Variants in MGAT4C observed in about 807,000 individuals in gnomAD.
MGAT4C encodes the protein MGAT4 family member C, also known as alpha-1,3-mannosyl-glycoprotein 4-beta-N-acetylglucosaminyltransferase C.
A neutral mutation model predicts 40.1 loss-of-function variants in MGAT4C; 19 were observed. That is an observed-to-expected ratio of 0.47 (90% CI 0.33 to 0.70). MGAT4C has a LOEUF of 0.70. MGAT4C is among the 30% of genes least tolerant of loss of function. MGAT4C has a pLI of 0.02. For synonymous variants in MGAT4C, 181 were observed against 187.1 expected, an observed-to-expected ratio of 0.97 and a Z score of 0.27; for missense variants, 491 against 563.2, an observed-to-expected ratio of 0.87 and a Z score of 1.30.
At chr12:86,029,410 T>C (rs1241692602) in intron 2 of MGAT4C, among the ~76,000 whole-genome samples, 2 of 151,890 alleles carry the variant, frequency 1.3e-5, no homozygotes, top group Admixed American at 1.3e-4. Context: ...TTTAAATACA[T>C]ACAAACTTAT....
intron 4 of MGAT4C, among the ~76,000 whole-genome samples, chr12:86,284,923 T>G (rs1307138697): frequency 1.3e-5 from 2 of 152,028 alleles, no homozygotes; most frequent in Non-Finnish European, 2.9e-5. Flanking sequence ...TTCATCCTTA[T>G]GTAATAGTAT....
chr12:86,827,723 A>C (rs1050900175), intron 1 of MGAT4C, among the ~76,000 whole-genome samples: 5 of 151,464 alleles, frequency 3.3e-5, no homozygotes, highest in Non-Finnish European at 3.0e-5. Context: ...CAGACAAAAA[A>C]TGTGGCAGAA....
rs564503387 is a variant in MGAT4C at position 86,152,621 on chromosome 12, G to A, written c.-56-102898C>T. On this transcript the variant is annotated intron_variant, in intron 1 of 4. Transcript: ENST00000611864. ...TCACATGGATTTCTCTTTTCCCATC[G>A]TATATCACACAGGGCTACTCTATTC... Among the ~76,000 whole-genome samples the A allele has an allele frequency of 5.5e-4, 83 of 152,160 alleles. 2 individuals are homozygous for A. The highest frequency in any genetic ancestry group is 1.9e-3 in the African/African-American group (78 of 41,494).
At chr12:86,806,586 A>G (rs1593225157) in intron 1 of MGAT4C, among the ~76,000 whole-genome samples, 1 of 151,920 alleles carries the variant, frequency 6.6e-6, no homozygotes, top group Non-Finnish European at 1.5e-5. Context: ...CCTTTCTATT[A>G]CCACGCCCAT....
At chr12:86,014,802 G>T (rs1420241962) in intron 2 of MGAT4C, among the ~76,000 whole-genome samples, 4 of 152,004 alleles carry the variant, frequency 2.6e-5, no homozygotes, top group Non-Finnish European at 5.9e-5. Context: ...AGTACTTGGG[G>T]ACGTGGAGGG....
intron 1 of MGAT4C, among the ~76,000 whole-genome samples, chr12:86,116,961 AG>A (rs1392482046): frequency 6.6e-6 from 1 of 152,142 alleles, no homozygotes; most frequent in Non-Finnish European, 1.5e-5. Flanking sequence ...ATTTTCTATC[AG>A]TGTGAGGAGA....
At chr12:86,169,198 G>C (rs1444415279) in intron 1 of MGAT4C, among the ~76,000 whole-genome samples, 1 of 152,098 alleles carries the variant, frequency 6.6e-6, no homozygotes, top group African/African-American at 2.4e-5. Context: ...TTGACACCAT[G>C]AAAGAATGAG....
chr12:86,807,639 C>A (rs747310663), intron 1 of MGAT4C, among the ~76,000 whole-genome samples: 2 of 152,072 alleles, frequency 1.3e-5, no homozygotes, highest in Non-Finnish European at 2.9e-5. Flanking sequence ...GCATATATAA[C>A]CACTAATGGG....
intron 1 of MGAT4C, among the ~76,000 whole-genome samples, chr12:86,180,718 G>T (rs762739561): frequency 3.3e-5 from 5 of 152,142 alleles, no homozygotes; most frequent in Non-Finnish European, 7.3e-5. Context: ...TATTTGGAAT[G>T]GCTATATGTA....
intron 2 of MGAT4C, among the ~76,000 whole-genome samples, chr12:86,441,469 G>C (rs1957226705): frequency 6.6e-6 from 1 of 150,836 alleles, no homozygotes. Flanking sequence ...TTAACATTGA[G>C]TACACCTCCT....
rs569644851 is a variant in MGAT4C, at chr12:86,830,739, A to T, written c.-262+7927T>A. ...ATGAAACAAACAAACAAACAAACAA[A>T]CAAACAAACAAACAAACTTGTCACA... On this transcript the variant is annotated intron_variant, in intron 1 of 7. Coordinates refer to the MGAT4C transcript ENST00000548651. Among the ~76,000 whole-genome samples, 27 of 151,566 alleles carry T rather than the reference A, an allele frequency of 1.8e-4. No individual in the cohort carries two copies. In the South Asian group the frequency reaches 5.6e-3, roughly 32 times the overall value.
At chr12:86,714,430 C>T (rs1230662563) in intron 2 of MGAT4C, among the ~76,000 whole-genome samples, 2 of 152,042 alleles carry the variant, frequency 1.3e-5, no homozygotes, top group Admixed American at 1.3e-4. Flanking sequence ...ATTGTAGCTC[C>T]TGTAATTCCC....
intron 2 of MGAT4C, among the ~76,000 whole-genome samples, chr12:86,577,562 CT>C (rs1960613596): frequency 1.3e-5 from 2 of 151,740 alleles, no homozygotes; most frequent in Admixed American, 6.6e-5. Context: ...AGTTTTTACC[CT>C]TTATTCTGTT....
At chr12:86,468,395 T>C (rs540723077) in intron 2 of MGAT4C, among the ~76,000 whole-genome samples, 351 of 152,262 alleles carry the variant, frequency 2.3e-3, no homozygotes, top group Non-Finnish European at 3.9e-3. Flanking sequence ...ATATCTTCAT[T>C]GCTAGCACAG....
intron 2 of MGAT4C, among the ~76,000 whole-genome samples, chr12:86,515,041 T>A (rs4463905): frequency 0.065 from 9,828 of 152,240 alleles, 755 homozygotes; most frequent in East Asian, 0.24. Flanking sequence ...AAGGAGGTTC[T>A]TTGAGCAGAA....
chr12:86,348,801 A>G (rs972379471), intron 3 of MGAT4C, among the ~76,000 whole-genome samples: 2 of 152,110 alleles, frequency 1.3e-5, no homozygotes, highest in African/African-American at 4.8e-5. Flanking sequence ...GTGTATTTAT[A>G]TGAGCCTTTT....
At chr12:86,015,110 C>CT (rs776590801) in intron 2 of MGAT4C, among the ~76,000 whole-genome samples, 2 of 151,226 alleles carry the variant, frequency 1.3e-5, no homozygotes, top group African/African-American at 2.4e-5. Flanking sequence ...CACCCGGCCT[C>CT]TGTGTCCTAC....
At position 85,957,626 on chromosome 12, in the gene MGAT4C, T is replaced by C. The variant is rs529128349; in HGVS notation, c.*21663A>G. 1.0e-4 allele frequency: 15 copies of C among 147,142 alleles called. No homozygotes were observed. In the South Asian group the frequency reaches 3.2e-3, roughly 31 times the overall value. 9.1% of individuals were successfully genotyped at this position (147,142 alleles called of 1,614,324 possible). On this transcript the variant is annotated 3_prime_UTR_variant, in exon 5 of 5. Coordinates refer to ENST00000611864, the MANE Select transcript of MGAT4C (RefSeq NM_001351288.2). Reference sequence around the variant, plus strand: ...CTGTTATGTCAAATAAAACCACAGATTTTCTTTTACTGTAGAGTTGAATAA... The same window carrying C: ...CTGTTATGTCAAATAAAACCACAGACTTTCTTTTACTGTAGAGTTGAATAA...
intron 4 of MGAT4C, among the ~76,000 whole-genome samples, chr12:86,320,580 T>C (rs1430520519): frequency 1.3e-5 from 2 of 152,144 alleles, no homozygotes; most frequent in Non-Finnish European, 2.9e-5. Flanking sequence ...ATAGATGTAC[T>C]ATAGAAAATC....
Sources: allele counts gnomAD v4.1 joint callset (sites outside exome capture counted in the v4.1 genomes callset), GRCh38; gene constraint gnomAD v4.1.1; transcripts MANE v1.5; gene names NCBI Gene and HGNC (gene_info 2026-07-23, HGNC 2026-07-21).